PPP4R1: variants seen among roughly 807,000 people sequenced by gnomAD.
PPP4R1 encodes serine/threonine-protein phosphatase 4 regulatory subunit 1.
In PPP4R1, 42 loss-of-function variants were observed where a neutral mutation model predicts 111.2. The observed-to-expected ratio is 0.38, with a 90% confidence interval of 0.29 to 0.49. The LOEUF (loss-of-function observed/expected upper bound fraction) is 0.49. Ranked by LOEUF, PPP4R1 falls within the 20% of genes least tolerant of loss-of-function variation. PPP4R1 has a pLI of 0.97. For missense variants in PPP4R1, 1,012 were observed against 1,161.6 expected (o/e 0.87, Z 1.87); for synonymous variants, 409 against 405.5 (o/e 1.01, Z -0.10).
intron 8 of PPP4R1, among the ~76,000 whole-genome samples, chr18:9,584,285 G>A (rs2067079477): frequency 6.6e-6 from 1 of 152,122 alleles, no homozygotes; most frequent in Non-Finnish European, 1.5e-5. Flanking sequence ...AATGGAAGAG[G>A]TGAAAACAGA....
intron 2 of PPP4R1, chr18:9,612,397 T>C (rs1047811491): frequency 3.9e-5 from 6 of 152,214 alleles, no homozygotes; most frequent in Non-Finnish European, 7.3e-5. Flanking sequence ...TCAAAACTGC[T>C]TGTAAACCAC....
intron 4 of PPP4R1, among the ~76,000 whole-genome samples, chr18:9,590,570 T>G (rs1432258043): frequency 6.6e-6 from 1 of 152,072 alleles, no homozygotes; most frequent in African/African-American, 2.4e-5. Flanking sequence ...AATAGACTAA[T>G]GGGGCGGGGC....
At chr18:9,550,227 T>G (rs762525265) in intron 17 of PPP4R1, 41 bp from the exon 18 acceptor site, 3 of 1,614,154 alleles carry the variant, frequency 1.9e-6, no homozygotes, top group Non-Finnish European at 2.5e-6. Flanking sequence ...CAGCTTCCAT[T>G]CTAGGATCTT....
intron 15 of PPP4R1, 68 bp from the exon 16 acceptor site, chr18:9,553,490 TA>T: frequency 1.0e-6 from 1 of 1,000,468 alleles, no homozygotes; most frequent in Non-Finnish European, 1.5e-6. Context: ...CTAGAGTGCT[TA>T]AAAACAGACT....
intron 10 of PPP4R1, among the ~76,000 whole-genome samples, chr18:9,575,121 A>C (rs1448584944): frequency 6.6e-6 from 1 of 152,224 alleles, no homozygotes; most frequent in Non-Finnish European, 1.5e-5. Flanking sequence ...GGTCAGATGA[A>C]ACACTATACA....
Position 9,547,950 on chromosome 18 carries a change from A to G in PPP4R1, c.2692T>C (p.Tyr898His), listed in dbSNP as rs774973203. The change falls in exon 20 of 20, where the codon TAT becomes CAT. Residue 898 changes from tyrosine to histidine, a missense_variant and splice_region_variant. Transcript: ENST00000400556. ...TLRQTLLEKD[Y>H]FLASASCHQE... ...TGGCAGCTGGCAGAGGCCAAGAAAT[A>G]GTCTGGAAATGACATGTGCATAGGA... is the stretch of plus-strand genomic sequence containing the variant. 6.2e-6 allele frequency: 10 copies of G among 1,613,824 alleles called. No homozygotes were observed. Among genetic ancestry groups the G allele is most frequent in the Non-Finnish European group, 8.5e-6 (10 of 1,180,018 alleles).
At chr18:9,593,079 CAA>C (rs1242839223) in intron 4 of PPP4R1, among the ~76,000 whole-genome samples, 1 of 151,838 alleles carries the variant, frequency 6.6e-6, no homozygotes. Context: ...GCTGAGATGC[CAA>C]AAAGTCTGTC....
At chr18:9,553,288 C>T (rs758571642) in intron 16 of PPP4R1, 34 bp downstream of exon 16, 4 of 1,477,206 alleles carry the variant, frequency 2.7e-6, no homozygotes, top group African/African-American at 2.8e-5. Context: ...ATATACCCCT[C>T]CAAAACATAA....
intron 16 of PPP4R1, among the ~76,000 whole-genome samples, chr18:9,552,941 C>T (rs1156603220): frequency 2.6e-5 from 4 of 152,130 alleles, no homozygotes; most frequent in Non-Finnish European, 5.9e-5. Context: ...ATGAAATGTC[C>T]GCAACAGGCA....
rs1428284235 is a variant in PPP4R1 at position 9,549,178 on chromosome 18, TAGTGG to T, written c.2689+14_2689+18del. The T allele has an allele frequency of 5.6e-6, 9 of 1,608,032 alleles. No individual in the cohort carries two copies. In the Admixed American group the frequency reaches 1.5e-4, roughly 27 times the overall value. On this transcript the variant is annotated intron_variant, in intron 19 of 19. Coordinates refer to ENST00000400556, the MANE Select transcript of PPP4R1 (RefSeq NM_001042388.3). The stretch of plus-strand genomic sequence containing the variant: ...TCCTTCTCTACTCACACGCTTCTTC[TAGTGG>T]AGTCACTACCTACCTTTTTCTAGTA...
chr18:9,554,318 G>A (rs2066535733), intron 15 of PPP4R1, among the ~76,000 whole-genome samples: 2 of 151,756 alleles, frequency 1.3e-5, no homozygotes, highest in African/African-American at 4.8e-5. Flanking sequence ...TAGTAGAGAC[G>A]GGGATTCACC....
intron 9 of PPP4R1, among the ~76,000 whole-genome samples, chr18:9,579,513 TAC>T (rs796587028): frequency 1.6e-3 from 201 of 125,024 alleles, no homozygotes; most frequent in African/African-American, 5.4e-3. Flanking sequence ...GCATAGGATT[TAC>T]ACGTGTGTGT....
intron 11 of PPP4R1, among the ~76,000 whole-genome samples, chr18:9,569,718 T>C (rs2066828709): frequency 6.6e-6 from 1 of 152,182 alleles, no homozygotes; most frequent in Non-Finnish European, 1.5e-5. Context: ...ACCTTTTTCT[T>C]TTTTTAATAG....
intron 2 of PPP4R1, among the ~76,000 whole-genome samples, chr18:9,604,086 A>G (rs865894176): frequency 2.6e-5 from 4 of 152,246 alleles, no homozygotes; most frequent in African/African-American, 9.6e-5. Context: ...TAAAACACTG[A>G]TATTTATAAT....
intron 14 of PPP4R1, among the ~76,000 whole-genome samples, chr18:9,558,994 A>C (rs1178987471): frequency 6.6e-6 from 1 of 152,244 alleles, no homozygotes; most frequent in African/African-American, 2.4e-5. Context: ...TGCAGGGCCC[A>C]GAACTTCACA....
intron 6 of PPP4R1, 24 bp from the exon 7 acceptor site, chr18:9,584,852 A>G: frequency 6.5e-7 from 1 of 1,529,056 alleles, no homozygotes; most frequent in Admixed American, 1.8e-5. Flanking sequence ...GAACAAACAC[A>G]CACTGAAAAT....
chr18:9,555,998 A>AAAC (rs1382089543), intron 15 of PPP4R1, among the ~76,000 whole-genome samples: 1 of 68,470 alleles, frequency 1.5e-5, no homozygotes, highest in Non-Finnish European at 3.4e-5. Context: ...ACAAACAAAC[A>AAAC]AAAAAACACA....
intron 8 of PPP4R1, among the ~76,000 whole-genome samples, chr18:9,584,257 A>G (rs2067078992): frequency 6.6e-6 from 1 of 152,222 alleles, no homozygotes; most frequent in African/African-American, 2.4e-5. Context: ...ATAAGTAAGA[A>G]TTGATTTGCT....
intron 2 of PPP4R1, among the ~76,000 whole-genome samples, chr18:9,596,309 T>C (rs2067288923): frequency 6.6e-6 from 1 of 152,202 alleles, no homozygotes; most frequent in African/African-American, 2.4e-5. Flanking sequence ...ATCAGGGCCT[T>C]TCCCAAAGCC....
Sources: gnomAD v4.1 joint callset for allele counts (sites outside exome capture counted in the v4.1 genomes callset) on GRCh38, gnomAD v4.1.1 for gene constraint, MANE v1.5 for transcripts, NCBI Gene and HGNC (gene_info 2026-07-23, HGNC 2026-07-21) for gene names.